CFAP53: variants seen among roughly 807,000 people sequenced by gnomAD.
CFAP53 encodes the protein cilia- and flagella-associated protein 53.
In CFAP53, 62 loss-of-function variants were observed where a neutral mutation model predicts 59.7. The ratio of observed to expected loss-of-function variants is 1.04; its 90% CI spans 0.85 to 1.28. CFAP53 has a LOEUF of 1.28. CFAP53 is among the 50% of genes most tolerant of loss of function. CFAP53 has a pLI of 0.00. For synonymous variants in CFAP53, 218 were observed against 205.7 expected, an observed-to-expected ratio of 1.06 and a Z score of -0.51; for missense variants, 629 against 615.6, an observed-to-expected ratio of 1.02 and a Z score of -0.23.
At chr18:50,239,744 A>G (rs1265922504) in intron 6 of CFAP53, among the ~76,000 whole-genome samples, 1 of 152,236 alleles carries the variant, frequency 6.6e-6, no homozygotes, top group Non-Finnish European at 1.5e-5. Flanking sequence ...TGAAAAATAT[A>G]GACCATAAAA....
At chr18:50,255,059 C>T (rs1270511817) in intron 3 of CFAP53, among the ~76,000 whole-genome samples, 5 of 152,162 alleles carry the variant, frequency 3.3e-5, no homozygotes, top group Non-Finnish European at 5.9e-5. Context: ...AGTAAGTGAA[C>T]GGTTTAACCA....
chr18:50,229,062 T>G (rs2033554515), intron 7 of CFAP53, among the ~76,000 whole-genome samples: 1 of 152,202 alleles, frequency 6.6e-6, no homozygotes, highest in Admixed American at 6.5e-5. Flanking sequence ...CACCCCAGCC[T>G]GGGCAACAGA....
At position 50,250,918 on chromosome 18, in the gene CFAP53, T is replaced by G. The variant is rs1335580711; in HGVS notation, c.836A>C (p.Lys279Thr). 6.2e-7 allele frequency: 1 copy of G among 1,614,232 alleles called. No individual in the cohort carries two copies. Among genetic ancestry groups the G allele is most frequent in the Admixed American group, 1.7e-5 (1 of 60,028 alleles). The change falls in exon 5 of 8, where the codon AAG (lysine) becomes ACG (threonine). Residue 279 changes from lysine to threonine, a missense_variant. Transcript: ENST00000398545. ...ENEQDMLKKQ[K>T]AKQETRTILQ... The stretch of plus-strand genomic sequence containing the variant: ...AATGGTCCTAGTTTCCTGCTTTGCC[T>G]TCTGTTTCTTTAGCATATCCTGTTC...
intron 5 of CFAP53, among the ~76,000 whole-genome samples, chr18:50,243,367 C>T (rs1054524525): frequency 6.6e-6 from 1 of 152,144 alleles, no homozygotes; most frequent in Non-Finnish European, 1.5e-5. Flanking sequence ...CACGTGGGGA[C>T]TCATTGTGCA....
intron 5 of CFAP53, among the ~76,000 whole-genome samples, chr18:50,247,909 A>G (rs2033760152): frequency 6.6e-6 from 1 of 152,236 alleles, no homozygotes; most frequent in Non-Finnish European, 1.5e-5. Context: ...ACTGAATTGT[A>G]TGGTTTAAAC....
In CFAP53 at chr18:50,227,400, G is replaced by C. The variant is rs974187795; in HGVS notation, c.1526C>G (p.Pro509Arg). Residue 509 changes from proline to arginine, a missense_variant, in exon 8 of 8, where the codon CCC becomes CGC. Pro to Arg is a moderately radical substitution (Grantham distance 103). Coordinates refer to ENST00000398545, the MANE Select transcript of CFAP53 (RefSeq NM_145020.5). ...QNIHPMRKAC[P>R]SKLPP Reference sequence around the variant, plus strand: ...ACGGAACTACGGTGGAAGCTTACTGGGGCATGCCTTGCGCATGGGATGAAT... The same window carrying C: ...ACGGAACTACGGTGGAAGCTTACTGCGGCATGCCTTGCGCATGGGATGAAT... 1.2e-6 allele frequency: 2 copies of C among 1,613,096 alleles called. No individual in the cohort carries two copies. The highest frequency in any genetic ancestry group is 1.7e-6 in the Non-Finnish European group (2 of 1,179,214).
intron 7 of CFAP53, among the ~76,000 whole-genome samples, chr18:50,229,178 A>G (rs1599110857): frequency 1.3e-5 from 2 of 152,230 alleles, no homozygotes; most frequent in East Asian, 3.8e-4. Context: ...TTAAGTCTCC[A>G]TATTGCTGTA....
At position 50,227,568 on chromosome 18, in the gene CFAP53, A is replaced by G; in HGVS notation, c.1358T>C (p.Met453Thr). 6.2e-7 allele frequency: 1 copy of G among 1,614,206 alleles called. No individual in the cohort carries two copies. Among genetic ancestry groups the G allele is most frequent in the Non-Finnish European group, 8.5e-7 (1 of 1,180,026 alleles). Reference sequence around the variant, plus strand: ...GGACTGCTGCTGGTAGGCGATTTGCATCTGAAGTTGCTTCCTGTACTCCTG... The same window carrying G: ...GGACTGCTGCTGGTAGGCGATTTGCGTCTGAAGTTGCTTCCTGTACTCCTG... ...LAQEYRKQLQ[M>T]QIAYQQQSQE... The change falls in exon 8 of 8, where the codon ATG (methionine) becomes ACG (threonine). Residue 453 changes from methionine (M) to threonine (T), a missense_variant. Met to Thr is a moderately conservative substitution (Grantham distance 81). Coordinates refer to ENST00000398545, the MANE Select transcript of CFAP53 (RefSeq NM_145020.5).
intron 7 of CFAP53, among the ~76,000 whole-genome samples, chr18:50,236,312 C>CCTTT (rs1445031132): frequency 4.6e-5 from 7 of 152,290 alleles, no homozygotes; most frequent in African/African-American, 1.2e-4. Context: ...AGTTAATCTG[C>CCTTT]CTGTACCTAC....
chr18:50,250,836 T>G lies in CFAP53; in HGVS notation c.918A>C (p.Glu306Asp), dbSNP rs1568156349. 6.2e-7 allele frequency: 1 copy of G among 1,614,226 alleles called. No homozygotes were observed. Among genetic ancestry groups the G allele is most frequent in the East Asian group, 2.2e-5 (1 of 44,892 alleles). ...GCACGAGCTTCATGTTCAAGTCCTG[T>G]TCGTCTCTGTATTCCTGCTGAATAT... Reference protein sequence around the residue: ...IEHIQQEYRDEQDLNMKLVQR... With the variant: ...IEHIQQEYRDDQDLNMKLVQR... The change falls in exon 5 of 8, where the codon GAA (glutamate) becomes GAC (aspartate). Residue 306 changes from glutamate to aspartate, a missense_variant. Physicochemically the swap from Glu to Asp is conservative, Grantham distance 45. Transcript: ENST00000398545.
intron 3 of CFAP53, among the ~76,000 whole-genome samples, chr18:50,255,286 G>C (rs1030426813): frequency 6.6e-6 from 1 of 152,124 alleles, no homozygotes; most frequent in Admixed American, 6.6e-5. Context: ...AGGAATGATG[G>C]GGGTGAGAGT....
Position 50,242,895 on chromosome 18 carries a change from C to T in CFAP53, c.1213+5G>A, listed in dbSNP as rs1346931467. The T allele has an allele frequency of 6.2e-7, 1 of 1,609,268 alleles. No individual in the cohort carries two copies. The highest frequency in any genetic ancestry group is 1.7e-5 in the Admixed American group (1 of 60,004). On this transcript the variant is annotated splice_donor_5th_base_variant and intron_variant, in intron 6 of 7. Coordinates refer to ENST00000398545, the MANE Select transcript of CFAP53 (RefSeq NM_145020.5). ...CTATAATATAACTGTAATTCAGTTCCTTACACTTTTCTTGAACTTGAAGTT... is the reference window on the plus strand; with the variant it reads ...CTATAATATAACTGTAATTCAGTTCTTTACACTTTTCTTGAACTTGAAGTT...
At chr18:50,228,838 G>T (rs926669547) in intron 7 of CFAP53, among the ~76,000 whole-genome samples, 1 of 151,570 alleles carries the variant, frequency 6.6e-6, no homozygotes, top group Non-Finnish European at 1.5e-5. Context: ...ATTTACATAG[G>T]TCATACACCT....
chr18:50,250,782 C>T lies in CFAP53; in HGVS notation c.972G>A (p.Glu324=). 1.2e-6 allele frequency: 2 copies of T among 1,614,146 alleles called. No homozygotes were observed. The highest frequency in any genetic ancestry group is 8.5e-7 in the Non-Finnish European group (1 of 1,180,012). ...VQRALQDLQE[E]ADKKKQKRED... is the part of the protein sequence containing the mutation. Reference sequence around the variant, plus strand: ...CTCTTTTTTGTTTCTTTTTATCTGCCTCTTCCTGTAAGTCTTGAAGGGCCC... The same window carrying T: ...CTCTTTTTTGTTTCTTTTTATCTGCTTCTTCCTGTAAGTCTTGAAGGGCCC... Residue 324 remains glutamate (E), a synonymous_variant, in exon 5 of 8, where the codon GAG becomes GAA. Transcript: ENST00000398545.
intron 2 of CFAP53, 83 bp downstream of exon 2, chr18:50,261,907 T>G (rs2033897067): frequency 9.5e-7 from 1 of 1,047,540 alleles, no homozygotes; most frequent in Admixed American, 1.8e-5. Flanking sequence ...TGATCCTTGC[T>G]AAATTTGATT....
intron 7 of CFAP53, among the ~76,000 whole-genome samples, chr18:50,235,332 G>A (rs570638198): frequency 3.3e-5 from 5 of 152,268 alleles, no homozygotes; most frequent in Non-Finnish European, 5.9e-5. Flanking sequence ...TTGGGAGGCT[G>A]AGGCAGGTGG....
chr18:50,265,836 T>C (rs1599136978), intron 1 of CFAP53, among the ~76,000 whole-genome samples: 1 of 152,182 alleles, frequency 6.6e-6, no homozygotes, highest in Admixed American at 6.5e-5. Flanking sequence ...TGGTTACTGG[T>C]TGAGTTGGCA....
chr18:50,254,932 A>C (rs1193776857), intron 3 of CFAP53, among the ~76,000 whole-genome samples: 1 of 152,234 alleles, frequency 6.6e-6, no homozygotes, highest in East Asian at 1.9e-4. Context: ...CAGCAATAGT[A>C]TATGATAATT....
chr18:50,260,950 G>C, intron 3 of CFAP53, 114 bp downstream of exon 3: 2 of 1,041,506 alleles, frequency 1.9e-6, no homozygotes, highest in Non-Finnish European at 2.8e-6. Context: ...AAGACTTAAA[G>C]TTACAACTAC....
Sources: gnomAD v4.1 joint callset for allele counts (sites outside exome capture counted in the v4.1 genomes callset) on GRCh38, gnomAD v4.1.1 for gene constraint, MANE v1.5 for transcripts, NCBI Gene and HGNC (gene_info 2026-07-23, HGNC 2026-07-21) for gene names.